Variants in MORC3 observed in about 807,000 individuals in gnomAD.
MORC3 encodes MORC family CW-type zinc finger 3.
In MORC3, 31 loss-of-function variants were observed where a neutral mutation model predicts 109.1. The observed-to-expected ratio is 0.28, with a 90% confidence interval of 0.21 to 0.38. MORC3 has a LOEUF of 0.38. Among genes scored for constraint, MORC3 ranks in the 10% least tolerant of loss-of-function variants. The probability of loss-of-function intolerance (pLI) is 1.00; values close to 1 mark genes in which losing one functional copy is unlikely to be tolerated. For synonymous variants in MORC3, 395 were observed against 380.7 expected (o/e 1.04, Z -0.44); for missense variants, 867 against 1,135.8 (o/e 0.76, Z 3.40).
At chr21:36,359,333 A>G (rs987836496) in intron 10 of MORC3, among the ~76,000 whole-genome samples, 6 of 152,038 alleles carry the variant, frequency 3.9e-5, no homozygotes, top group African/African-American at 1.4e-4. Context: ...ATGGGGTCTC[A>G]CTATGTTGCC....
At chr21:36,357,233 A>G (rs1377984553) in intron 10 of MORC3, among the ~76,000 whole-genome samples, 2 of 152,200 alleles carry the variant, frequency 1.3e-5, no homozygotes, top group East Asian at 1.9e-4. Flanking sequence ...AGTCCTATAA[A>G]TGAATGAATG....
At position 36,320,286 on chromosome 21, in the gene MORC3, G is replaced by T; in HGVS notation, c.22G>T (p.Gly8Trp). Residue 8 changes from glycine (G) to tryptophan (W), a missense_variant, in exon 1 of 17, where the codon GGG becomes TGG. Transcript: ENST00000400485. Reference sequence around the variant, plus strand: ...CAAGATGGCGGCGCAGCCACCCCGCGGGATACGCCTCAGCGCGGTGAGCAG... The same window carrying T: ...CAAGATGGCGGCGCAGCCACCCCGCTGGATACGCCTCAGCGCGGTGAGCAG... Reference protein sequence around the residue: MAAQPPRGIRLSALCPKF... With the variant: MAAQPPRWIRLSALCPKF... 1 of 1,578,068 alleles carries T rather than the reference G, an allele frequency of 6.3e-7. No individual in the cohort carries two copies. The highest frequency in any genetic ancestry group is 8.6e-7 in the Non-Finnish European group (1 of 1,163,656).
At chr21:36,320,737 G>C (rs773834566) in intron 1 of MORC3, 2 of 170,442 alleles carry the variant, frequency 1.2e-5, no homozygotes, top group African/African-American at 4.8e-5. Flanking sequence ...GCGGGGGGAC[G>C]GGGCTGCGGG....
At chr21:36,340,676 C>T (rs1396635202) in intron 5 of MORC3, among the ~76,000 whole-genome samples, 1 of 149,424 alleles carries the variant, frequency 6.7e-6, no homozygotes, top group South Asian at 2.1e-4. Flanking sequence ...GCTCTTTCCC[C>T]CAGGGTGGAG....
intron 12 of MORC3, among the ~76,000 whole-genome samples, chr21:36,361,410 G>A (rs999557117): frequency 6.6e-6 from 1 of 151,070 alleles, no homozygotes; most frequent in African/African-American, 2.4e-5. Context: ...TGGGTGTGGT[G>A]GTGCATGCTG....
Position 36,345,047 on chromosome 21 carries a change from T to G in MORC3, c.1005+16T>G. 1 of 1,576,180 alleles carries G rather than the reference T, an allele frequency of 6.3e-7. No individual in the cohort carries two copies. The highest frequency in any genetic ancestry group is 8.6e-7 in the Non-Finnish European group (1 of 1,167,994). ...TCAGTTAAGGGTAAGCTTTATTTTT[T>G]ATTTGAAAAGAAAATGTCTATTTTC... On this transcript the variant is annotated intron_variant, in intron 8 of 16. Transcript: ENST00000400485.
At chr21:36,371,093 C>T (rs1363168218) in intron 15 of MORC3, among the ~76,000 whole-genome samples, 1 of 152,164 alleles carries the variant, frequency 6.6e-6, no homozygotes, top group East Asian at 1.9e-4. Flanking sequence ...TACCAAGAGA[C>T]AAATGATAAA....
At position 36,341,528 on chromosome 21, in the gene MORC3, G is replaced by C; in HGVS notation, c.738G>C (p.Glu246Asp). 1 of 1,613,870 alleles carries C rather than the reference G, an allele frequency of 6.2e-7. No homozygotes were observed. Among genetic ancestry groups the C allele is most frequent in the Middle Eastern group, 1.7e-4 (1 of 6,060 alleles). ...AAAGGATGGACCAGATTGCCCCTGA[G>C]AGTGACTATTCCCTGAGGGTATGTA... ...KQERMDQIAP[E>D]SDYSLRAYCS... The change falls in exon 6 of 17, where the codon GAG becomes GAC. Residue 246 changes from glutamate to aspartate, a missense_variant. This residue lies in a region of MORC3 where 134 missense variants were observed against 166.6 expected (regional missense o/e 0.80). Coordinates refer to ENST00000400485, the MANE Select transcript of MORC3 (RefSeq NM_015358.3).
intron 9 of MORC3, among the ~76,000 whole-genome samples, chr21:36,353,337 CAGAG>C (rs541247746): frequency 4.5e-4 from 49 of 109,336 alleles, no homozygotes; most frequent in Middle Eastern, 0.01. Flanking sequence ...AGTTTGGTGA[CAGAG>C]AGAGACTCTG....
chr21:36,329,944 C>A (rs998693095), intron 1 of MORC3, among the ~76,000 whole-genome samples: 1 of 151,810 alleles, frequency 6.6e-6, no homozygotes, highest in African/African-American at 2.4e-5. Flanking sequence ...CTCACTGTAA[C>A]CTCCGCCTCC....
At chr21:36,358,753 C>T (rs2085677183) in intron 10 of MORC3, among the ~76,000 whole-genome samples, 1 of 151,896 alleles carries the variant, frequency 6.6e-6, no homozygotes, top group Non-Finnish European at 1.5e-5. Flanking sequence ...AATCTCGGCT[C>T]ACTGCAAGCT....
chr21:36,358,259 C>T (rs1188036602), intron 10 of MORC3, among the ~76,000 whole-genome samples: 1 of 151,846 alleles, frequency 6.6e-6, no homozygotes, highest in Non-Finnish European at 1.5e-5. Context: ...GTGGTGCACA[C>T]CTGTAGTCCC....
At chr21:36,340,293 A>AC (rs1296166453) in intron 5 of MORC3, among the ~76,000 whole-genome samples, 2 of 151,640 alleles carry the variant, frequency 1.3e-5, no homozygotes, top group Non-Finnish European at 2.9e-5. Context: ...AAAAAAAAAA[A>AC]ACTATAGTAC....
intron 14 of MORC3, among the ~76,000 whole-genome samples, chr21:36,365,692 C>A (rs1376777318): frequency 2.0e-5 from 3 of 152,140 alleles, no homozygotes; most frequent in Non-Finnish European, 4.4e-5. Context: ...GCGATTCCCC[C>A]ACCTCAGCGT....
chr21:36,375,226 A>G lies in MORC3; in HGVS notation c.2750A>G (p.Tyr917Cys). 1.2e-6 allele frequency: 2 copies of G among 1,613,940 alleles called. No homozygotes were observed. Among genetic ancestry groups the G allele is most frequent in the Non-Finnish European group, 1.7e-6 (2 of 1,179,846 alleles). ...GATCTTGATCTTCAGCAAGTGAATT[A>G]CGATGTTGATGTAGTTGATGAGATT... ...VPDLDLQQVN[Y>C]DVDVVDEILG... The change falls in exon 17 of 17, where the codon TAC (tyrosine) becomes TGC (cysteine). Residue 917 changes from tyrosine to cysteine, a missense_variant. By Grantham distance (194) the Tyr-to-Cys change is radical. Transcript: ENST00000400485.
chr21:36,371,297 G>A (rs2085863963), intron 15 of MORC3, among the ~76,000 whole-genome samples: 2 of 152,070 alleles, frequency 1.3e-5, no homozygotes, highest in Admixed American at 1.3e-4. Context: ...TGATGTCTTG[G>A]CTCAGGAGTT....
At position 36,340,773 on chromosome 21, in the gene MORC3, A is replaced by G. The variant is rs192629924; in HGVS notation, c.609-626A>G. ...TGCCTCATCCTCCCGTGTGGCTGGG[A>G]TTATAGGCACCTGCCACCATGCCTG... On this transcript the variant is annotated intron_variant, in intron 5 of 16. Coordinates refer to ENST00000400485, the MANE Select transcript of MORC3 (RefSeq NM_015358.3). Among the ~76,000 whole-genome samples, 835 of 151,796 alleles carry G rather than the reference A, an allele frequency of 5.5e-3. 2 individuals carry two copies. Among genetic ancestry groups the G allele is most frequent in the Admixed American group, 9.0e-3 (136 of 15,192 alleles).
At chr21:36,362,143 A>G (rs770608223) in intron 12 of MORC3, 40 bp from the exon 13 acceptor site, 8 of 1,599,806 alleles carry the variant, frequency 5.0e-6, no homozygotes. Context: ...GGGAAATGGG[A>G]TTGAGAAATA....
At chr21:36,341,304 A>G (rs2085442985) in intron 5 of MORC3, 95 bp from the exon 6 acceptor site, 6 of 1,215,590 alleles carry the variant, frequency 4.9e-6, no homozygotes, top group Non-Finnish European at 6.9e-6. Flanking sequence ...GTGTAGGTTT[A>G]TTTATTTGCT....
Sources: gnomAD v4.1 joint callset for allele counts (sites outside exome capture counted in the v4.1 genomes callset) on GRCh38, gnomAD v4.1.1 for gene constraint, gnomAD v4.1.1 regional missense constraint, MANE v1.5 for transcripts, NCBI Gene and HGNC (gene_info 2026-07-23, HGNC 2026-07-21) for gene names.